LARGE1: variants seen among roughly 807,000 people sequenced by gnomAD.
LARGE1 encodes the protein LARGE xylosyl- and glucuronyltransferase 1, also known as xylosyl- and glucuronyltransferase LARGE1.
A neutral mutation model predicts 87.6 loss-of-function variants in LARGE1; 43 were observed. That is an observed-to-expected ratio of 0.49 (90% CI 0.38 to 0.63). LARGE1 has a LOEUF of 0.63. LARGE1 is among the 30% of genes least tolerant of loss of function. LARGE1 has a pLI of 0.00. For synonymous variants in LARGE1, 434 were observed against 394.6 expected (o/e 1.10, Z -1.18); for missense variants, 802 against 1,000.2 (o/e 0.80, Z 2.67).
At chr22:33,094,519 C>T in the LARGE1 span, among the ~76,000 whole-genome samples, 3 of 152,176 alleles carry the variant, frequency 2.0e-5, no homozygotes, top group South Asian at 2.1e-4. Flanking sequence ...CAATACCACT[C>T]GAGCCCAGAC....
the LARGE1 span, among the ~76,000 whole-genome samples, chr22:33,150,760 C>T: frequency 6.6e-6 from 1 of 152,224 alleles, no homozygotes; most frequent in Non-Finnish European, 1.5e-5. Flanking sequence ...TGCTTTTGTA[C>T]TTGTATGGGC....
intron 10 of LARGE1, among the ~76,000 whole-genome samples, chr22:33,326,865 G>A (rs1466917438): frequency 2.0e-5 from 3 of 152,198 alleles, no homozygotes; most frequent in African/African-American, 2.4e-5. Context: ...AGGGGAAACC[G>A]TGGCCCAGAC....
rs368043810 is a variant in LARGE1, at chr22:33,277,241, G to A, written c.1892C>T (p.Thr631Met). The A allele has an allele frequency of 2.1e-4, 340 of 1,614,066 alleles. 2 individuals carry two copies. Among genetic ancestry groups the A allele is most frequent in the Middle Eastern group, 4.9e-4 (3 of 6,082 alleles). ...GAAGTTTGTGGGTGCGTGGCCTTTCGTCCAGACGTGGTACCTGAGACACAC... is the reference window on the plus strand; with the variant it reads ...GAAGTTTGTGGGTGCGTGGCCTTTCATCCAGACGTGGTACCTGAGACACAC... Reference protein sequence around the residue: ...TLFTFRYHVWTKGHAPTNFAK... With the variant: ...TLFTFRYHVWMKGHAPTNFAK... The change falls in exon 14 of 15, where the codon ACG becomes ATG. Residue 631 changes from threonine to methionine, a missense_variant. Physicochemically the swap from Thr to Met is moderately conservative, Grantham distance 81. Around this residue, in one of 2 missense-constraint regions of LARGE1, gnomAD observed 625 missense variants for 841.9 expected, o/e 0.74. Coordinates refer to ENST00000397394, the MANE Select transcript of LARGE1 (RefSeq NM_133642.5).
chr22:33,896,498 G>GT (rs1161064032), intron 1 of LARGE1, among the ~76,000 whole-genome samples: 1 of 152,216 alleles, frequency 6.6e-6, no homozygotes, highest in African/African-American at 2.4e-5. Flanking sequence ...AGGCCAAAGT[G>GT]TACCGTGTAC....
the LARGE1 span, among the ~76,000 whole-genome samples, chr22:33,093,822 C>CTTTTTTTT: frequency 8.5e-4 from 69 of 81,570 alleles, no homozygotes; most frequent in Non-Finnish European, 1.0e-3. Context: ...TTCTTTCTTT[C>CTTTTTTTT]TTTTTTTTTT....
chr22:33,510,605 A>G (rs12160180), intron 6 of LARGE1, among the ~76,000 whole-genome samples: 3,554 of 152,278 alleles, frequency 0.023, 115 homozygotes, highest in African/African-American at 0.071. Context: ...GACAGGATCT[A>G]ACTCCAGGAG....
intron 2 of LARGE1, chr22:33,732,193 A>C (rs2083493974): frequency 6.6e-6 from 1 of 152,220 alleles, no homozygotes; most frequent in Non-Finnish European, 1.5e-5. Flanking sequence ...AGACACAAGA[A>C]CAGCACAGAA....
At chr22:33,316,367 G>T in intron 10 of LARGE1, 119 bp from the exon 11 acceptor site, 1 of 876,862 alleles carries the variant, frequency 1.1e-6, no homozygotes, top group Non-Finnish European at 1.8e-6. Flanking sequence ...TTGTTGATGG[G>T]TCTGACGTAC....
At chr22:33,736,756 A>G (rs1007110951) in intron 2 of LARGE1, among the ~76,000 whole-genome samples, 2 of 152,194 alleles carry the variant, frequency 1.3e-5, no homozygotes, top group Non-Finnish European at 2.9e-5. Flanking sequence ...TAAGAATCTC[A>G]CAGCTTTAGC....
At chr22:33,168,814 T>A (rs1922407687) in intron 11 of LARGE1, among the ~76,000 whole-genome samples, 1 of 152,228 alleles carries the variant, frequency 6.6e-6, no homozygotes. Context: ...TCCTTTAATA[T>A]CTACATCAAA....
chr22:33,730,837 C>A (rs59893052), intron 2 of LARGE1, among the ~76,000 whole-genome samples: 5,255 of 151,848 alleles, frequency 0.035, 300 homozygotes, highest in African/African-American at 0.12. Context: ...GGATTACAGG[C>A]ATGCGCCACC....
chr22:33,711,784 C>T (rs1011046460), intron 2 of LARGE1, among the ~76,000 whole-genome samples: 3 of 152,178 alleles, frequency 2.0e-5, no homozygotes, highest in Non-Finnish European at 4.4e-5. Flanking sequence ...GTAGCTGAGA[C>T]TACAAGTGAG....
chr22:33,191,489 C>T (rs1923777423), intron 11 of LARGE1, among the ~76,000 whole-genome samples: 1 of 152,122 alleles, frequency 6.6e-6, no homozygotes, highest in Non-Finnish European at 1.5e-5. Flanking sequence ...TTCAAGAATC[C>T]CTGTGTTTGA....
In LARGE1 at chr22:33,490,154, T is replaced by TA. The variant is rs538250150; in HGVS notation, c.788-57890_788-57889insT. On this transcript the variant is annotated intron_variant, in intron 6 of 14. Coordinates refer to ENST00000397394, the MANE Select transcript of LARGE1 (RefSeq NM_133642.5). The stretch of plus-strand genomic sequence containing the variant: ...TAAATTATAAATAACTTGATTAATC[T>TA]GCATCATGCAATATTACATCATATT... 3.0e-3 allele frequency among the ~76,000 whole-genome samples: 456 copies of TA among 152,356 alleles called. 4 individuals are homozygous for TA. The highest frequency in any genetic ancestry group is 0.021 in the South Asian group (100 of 4,830).
At chr22:33,647,712 G>A (rs2080661604) in intron 3 of LARGE1, among the ~76,000 whole-genome samples, 1 of 152,160 alleles carries the variant, frequency 6.6e-6, no homozygotes. Context: ...TTTCCCTCAA[G>A]TTCCAATATC....
At chr22:33,083,901 C>T in the LARGE1 span, among the ~76,000 whole-genome samples, 46 of 152,142 alleles carry the variant, frequency 3.0e-4, no homozygotes, top group African/African-American at 1.1e-3. Context: ...TACTTAAAAC[C>T]CTTAGCTGTC....
intron 11 of LARGE1, among the ~76,000 whole-genome samples, chr22:33,172,541 T>G (rs897476471): frequency 1.3e-5 from 2 of 152,108 alleles, no homozygotes; most frequent in African/African-American, 4.8e-5. Context: ...TCCTGAGGCT[T>G]CCCCAAATTT....
intron 1 of LARGE1, among the ~76,000 whole-genome samples, chr22:33,800,239 A>C (rs2086117753): frequency 6.6e-6 from 1 of 152,202 alleles, no homozygotes; most frequent in Admixed American, 6.5e-5. Context: ...TTTTGAAATT[A>C]TAGACTCTCA....
intron 5 of LARGE1, among the ~76,000 whole-genome samples, chr22:33,589,373 T>A (rs2078770417): frequency 6.6e-6 from 1 of 152,208 alleles, no homozygotes; most frequent in Admixed American, 6.5e-5. Flanking sequence ...ATTACCATTT[T>A]GCAAATTTAT....
Sources: gnomAD v4.1 joint callset for allele counts (sites outside exome capture counted in the v4.1 genomes callset) on GRCh38, gnomAD v4.1.1 for gene constraint, gnomAD v4.1.1 regional missense constraint, MANE v1.5 for transcripts, NCBI Gene and HGNC (gene_info 2026-07-23, HGNC 2026-07-21) for gene names.